The following COL9A3 variants were observed in gnomAD, a reference collection of about 807,000 sequenced individuals.
The protein encoded by COL9A3 is collagen alpha-3(IX) chain.
In COL9A3, 82 loss-of-function variants were observed where a neutral mutation model predicts 110.2. That is an observed-to-expected ratio of 0.74 (90% confidence interval 0.62 to 0.89). COL9A3 has a LOEUF of 0.89. Ranked by LOEUF, COL9A3 falls within the 40% of genes least tolerant of loss-of-function variation. The pLI, the probability that COL9A3 is intolerant of heterozygous loss-of-function variation, is 0.00. For missense variants in COL9A3, 1,066 were observed against 981.3 expected (o/e 1.09, Z -1.15); for synonymous variants, 494 against 403.8 (o/e 1.22, Z -2.68).
chr20:62,817,880 C>G, intron 2 of COL9A3: 1 of 644,046 alleles, frequency 1.6e-6, no homozygotes, highest in Admixed American at 2.2e-5. Flanking sequence ...GTGTGTGTCT[C>G]TGGGTCCCCT....
chr20:62,838,798 C>T (rs1455793597), intron 31 of COL9A3, 37 bp downstream of exon 31: 1 of 1,498,788 alleles, frequency 6.7e-7, no homozygotes, highest in East Asian at 2.5e-5. Context: ...CACTGGGTGA[C>T]ATCTCTTCCG....
Position 62,817,096 on chromosome 20 carries a change from T to C in COL9A3, c.32T>C (p.Leu11Pro), listed in dbSNP as rs898909101. MAGPRACAPL[L>P]LLLLLGELLA... ...GGGCCGCGCGCGTGCGCCCCGCTCC[T>C]GCTCCTGCTCCTGCTCGGGGAGCTT... Residue 11 changes from leucine (L) to proline (P), a missense_variant, in exon 1 of 32, where the codon CTG (leucine) becomes CCG (proline). Coordinates refer to ENST00000649368, the MANE Select transcript of COL9A3 (RefSeq NM_001853.4). 1 of 1,393,680 alleles carries C rather than the reference T, an allele frequency of 7.2e-7. No homozygotes were observed. Among genetic ancestry groups the C allele is most frequent in the South Asian group, 1.4e-5 (1 of 70,476 alleles). 86.3% of individuals were successfully genotyped at this position (1,393,680 alleles called of 1,614,324 possible).
At chr20:62,832,573 A>G (rs2063604849) in intron 25 of COL9A3, among the ~76,000 whole-genome samples, 1 of 140,910 alleles carries the variant, frequency 7.1e-6, no homozygotes, top group African/African-American at 2.5e-5. Context: ...GGCAGGGGCT[A>G]GGCTCTGCGT....
rs1391056058 is a variant in COL9A3 at position 62,817,089 on chromosome 20, C to T, written c.25C>T (p.Pro9Ser). MAGPRACA[P>S]LLLLLLLGEL... ...CATGGCCGGGCCGCGCGCGTGCGCC[C>T]CGCTCCTGCTCCTGCTCCTGCTCGG... is the stretch of plus-strand genomic sequence containing the variant. The change falls in exon 1 of 32, where the codon CCG becomes TCG. Residue 9 changes from proline (P) to serine (S), a missense_variant. Physicochemically the swap from Pro to Ser is moderately conservative, Grantham distance 74. Transcript: ENST00000649368. 6 of 1,396,562 alleles carry T rather than the reference C, an allele frequency of 4.3e-6. No homozygotes were observed. The highest frequency in any genetic ancestry group is 5.6e-6 in the Non-Finnish European group (6 of 1,069,848). The allele number at this position is 1,396,562 out of a possible 1,614,324, so 86.5% of individuals were successfully genotyped here. A position where few individuals can be genotyped will look rare whatever the true frequency, so the allele number is the denominator to read the frequency against.
chr20:62,840,089 CTT>C, intron 31 of COL9A3, among the ~76,000 whole-genome samples: 1 of 152,210 alleles, frequency 6.6e-6, no homozygotes, highest in African/African-American at 2.4e-5. Flanking sequence ...CCATTCTGGA[CTT>C]TGTCACCTCA....
Position 62,818,645 on chromosome 20 carries a change from C to T in COL9A3, c.183+92C>T, listed in dbSNP as rs556748862. 1,311 of 1,364,350 alleles carry T rather than the reference C, an allele frequency of 9.6e-4. 8 individuals are homozygous for T. The highest frequency in any genetic ancestry group is 4.4e-3 in the Middle Eastern group (25 of 5,664). 84.5% of individuals were successfully genotyped at this position (1,364,350 alleles called of 1,614,324 possible). On this transcript the variant is annotated intron_variant, in intron 3 of 31. Coordinates refer to ENST00000649368, the MANE Select transcript of COL9A3 (RefSeq NM_001853.4). The stretch of plus-strand genomic sequence containing the variant: ...AGGGGTCATTGATATCCTGTCTCAT[C>T]CTGCCGGAGCCCGGGTTGCCTGAGG...
In COL9A3 at chr20:62,819,960, C is replaced by T. The variant is rs749124910; in HGVS notation, c.287C>T (p.Pro96Leu). Residue 96 changes from proline (P) to leucine (L), a missense_variant, in exon 5 of 32, where the codon CCC becomes CTC. Pro to Leu is a moderately conservative substitution (Grantham distance 98). Coordinates refer to ENST00000649368, the MANE Select transcript of COL9A3 (RefSeq NM_001853.4). ...ACTGGACGAGATGGACCCCCTGGACCCAAGGGTGCCCCTGGGGAACGGGTA... is the reference window on the plus strand; with the variant it reads ...ACTGGACGAGATGGACCCCCTGGACTCAAGGGTGCCCCTGGGGAACGGGTA... Reference protein sequence around the residue: ...GLTGRDGPPGPKGAPGERGSL... With the variant: ...GLTGRDGPPGLKGAPGERGSL... 8.1e-6 allele frequency: 13 copies of T among 1,612,786 alleles called. No individual in the cohort carries two copies. Among genetic ancestry groups the T allele is most frequent in the Non-Finnish European group, 1.1e-5 (13 of 1,180,000 alleles).
At chr20:62,829,985 C>G (rs902481603) in intron 22 of COL9A3, among the ~76,000 whole-genome samples, 166 bp downstream of exon 22, 1 of 152,158 alleles carries the variant, frequency 6.6e-6, no homozygotes, top group Non-Finnish European at 1.5e-5. Context: ...GTCCCTCACC[C>G]GCTGGGAGAC....
In COL9A3 at chr20:62,817,650, G is replaced by A. The variant is rs772892012; in HGVS notation, c.147+15G>A. On this transcript the variant is annotated intron_variant, in intron 2 of 31. Transcript: ENST00000649368. ...ACGGCATTGACGTGAGTTTGGGGGTGGGGAGGGCCCCGAGCGCTCTGGGGT... is the reference window on the plus strand; with the variant it reads ...ACGGCATTGACGTGAGTTTGGGGGTAGGGAGGGCCCCGAGCGCTCTGGGGT... The A allele has an allele frequency of 6.6e-7, 1 of 1,525,168 alleles. No individual in the cohort carries two copies. Among genetic ancestry groups the A allele is most frequent in the South Asian group, 1.2e-5 (1 of 82,334 alleles). 94.5% of individuals were successfully genotyped at this position (1,525,168 alleles called of 1,614,324 possible).
At chr20:62,829,423 G>T in intron 19 of COL9A3, 32 bp from the exon 20 acceptor site, 2 of 1,612,428 alleles carry the variant, frequency 1.2e-6, no homozygotes, top group Non-Finnish European at 1.7e-6. Flanking sequence ...CAATGTAACT[G>T]GCAGCCCTGA....
intron 29 of COL9A3, chr20:62,836,857 A>G (rs530290570): frequency 1.2e-5 from 8 of 683,848 alleles, no homozygotes; most frequent in African/African-American, 1.1e-4. Context: ...AACACCCCCA[A>G]GGGCACTTCC....
In COL9A3 at chr20:62,836,287, A is replaced by G. The variant is rs773564377; in HGVS notation, c.1502A>G (p.Gln501Arg). ...GGGCCCCCCGGTCCTCTGGGCCTGCAGGGCGTCCCGGGTGTTCCTGGCATC... is the reference window on the plus strand; with the variant it reads ...GGGCCCCCCGGTCCTCTGGGCCTGCGGGGCGTCCCGGGTGTTCCTGGCATC... ...VPGPPGPLGL[Q>R]GVPGVPGITG... Residue 501 changes from glutamine to arginine, a missense_variant, in exon 28 of 32, where the codon CAG becomes CGG. Gln to Arg is a conservative substitution (Grantham distance 43). Coordinates refer to ENST00000649368, the MANE Select transcript of COL9A3 (RefSeq NM_001853.4). 1.2e-6 allele frequency: 2 copies of G among 1,613,750 alleles called. No individual in the cohort carries two copies. The highest frequency in any genetic ancestry group is 1.3e-5 in the African/African-American group (1 of 74,954).
chr20:62,827,133 C>G, intron 15 of COL9A3, 108 bp from the exon 16 acceptor site: 1 of 1,113,050 alleles, frequency 9.0e-7, no homozygotes, highest in East Asian at 2.4e-5. Flanking sequence ...CACTCTCTGA[C>G]CACTCCTGGA....
At chr20:62,840,416 G>A (rs28578314) in intron 31 of COL9A3, 126 bp from the exon 32 acceptor site, 6 of 922,512 alleles carry the variant, frequency 6.5e-6, no homozygotes, top group East Asian at 2.5e-5. Flanking sequence ...CTCCCCACCC[G>A]CTGTGGCCTC....
At chr20:62,836,983 C>G in intron 29 of COL9A3, 100 bp from the exon 30 acceptor site, 1 of 1,465,010 alleles carries the variant, frequency 6.8e-7, no homozygotes, top group Admixed American at 1.7e-5. Flanking sequence ...GGAAAACTTG[C>G]TTCTGGAAGA....
rs748534122 is a variant in COL9A3, at chr20:62,827,229, C to T, written c.793-12C>T. ...TGTTAACTCTGTCCCTGCCCCACCTCATCCTTTCCAGGGTGACCGAGGCGA... is the reference window on the plus strand; with the variant it reads ...TGTTAACTCTGTCCCTGCCCCACCTTATCCTTTCCAGGGTGACCGAGGCGA... On this transcript the variant is annotated splice_polypyrimidine_tract_variant and intron_variant, in intron 15 of 31. Transcript: ENST00000649368. 2 of 1,613,230 alleles carry T rather than the reference C, an allele frequency of 1.2e-6. No individual in the cohort carries two copies. Among genetic ancestry groups the T allele is most frequent in the Admixed American group, 3.3e-5 (2 of 60,028 alleles).
At position 62,821,409 on chromosome 20, in the gene COL9A3, C is replaced by T. The variant is rs140708008; in HGVS notation, c.346-98C>T. ...GGGACCAGACACCCATCCCTGGAAC[C>T]GCCCTTTCCCCAGGACCCACCTGAG... On this transcript the variant is annotated intron_variant, in intron 6 of 31. Transcript: ENST00000649368. 9.1e-4 allele frequency: 1,393 copies of T among 1,526,382 alleles called. 16 individuals carry two copies. In the African/African-American group the frequency reaches 0.017, roughly 18 times the overall value. 94.6% of individuals were successfully genotyped at this position (1,526,382 alleles called of 1,614,324 possible).
intron 13 of COL9A3, 89 bp from the exon 14 acceptor site, chr20:62,826,115 C>A: frequency 7.1e-7 from 1 of 1,409,796 alleles, no homozygotes. Flanking sequence ...CACCAGGGCT[C>A]CCAGGGGTAC....
chr20:62,817,045 A>G (rs779958303), upstream of COL9A3: 28 of 1,271,348 alleles, frequency 2.2e-5, no homozygotes, highest in East Asian at 9.8e-4. Flanking sequence ...CCGACGCCGC[A>G]GCTCAGACTC....
Sources: allele counts gnomAD v4.1 joint callset (sites outside exome capture counted in the v4.1 genomes callset), GRCh38; gene constraint gnomAD v4.1.1; transcripts MANE v1.5; gene names NCBI Gene and HGNC (gene_info 2026-07-23, HGNC 2026-07-21).